The following TSR3 variants were observed in gnomAD, a reference collection of about 807,000 sequenced individuals.
TSR3 encodes 18S rRNA aminocarboxypropyltransferase.
Under a neutral mutation model 28.1 loss-of-function variants are expected in TSR3, and 31 were observed. The ratio of observed to expected loss-of-function variants is 1.10; its 90% CI spans 0.83 to 1.49. TSR3 has a LOEUF of 1.49. Among genes scored for constraint, TSR3 ranks in the 40% most tolerant of loss-of-function variants. The pLI is 0.00. For missense variants in TSR3, 511 were observed against 444.0 expected, an observed-to-expected ratio of 1.15 and a Z score of -1.36; for synonymous variants, 219 against 197.2, an observed-to-expected ratio of 1.11 and a Z score of -0.93.
Position 1,351,563 on chromosome 16 carries a change from C to A in TSR3, c.148G>T (p.Gly50Cys), listed in dbSNP as rs1256095046. The A allele has an allele frequency of 2.0e-6, 3 of 1,475,370 alleles. No homozygotes were observed. Among genetic ancestry groups the A allele is most frequent in the Non-Finnish European group, 2.7e-6 (3 of 1,122,308 alleles). 91.4% of individuals were successfully genotyped at this position (1,475,370 alleles called of 1,614,324 possible). The change falls in exon 2 of 6, where the codon GGC becomes TGC. Residue 50 changes from glycine to cysteine, a missense_variant. Transcript: ENST00000007390. ...CAGGGCAGCGCCGCCGGGCCCGGGC[C>A]GCCCTCGCCGTCAGCCGCCCCTGGC... ...VEPGAADGEG[G>C]PGPAALPCTL... is the part of the protein sequence containing the mutation.
At chr16:1,349,689 A>AG in intron 5 of TSR3, 81 bp from the exon 6 acceptor site, 1 of 1,485,378 alleles carries the variant, frequency 6.7e-7, no homozygotes, top group East Asian at 2.3e-5. Flanking sequence ...AAAAGCCCCC[A>AG]GCCGAGGACA....
rs1269396421 is a variant in TSR3 at position 1,350,895 on chromosome 16, G to A, written c.438C>T (p.Pro146=). The A allele has an allele frequency of 6.2e-7, 1 of 1,612,908 alleles. No individual in the cohort carries two copies. The highest frequency in any genetic ancestry group is 1.3e-5 in the African/African-American group (1 of 74,910). Residue 146 remains proline (P), a synonymous_variant, in exon 3 of 6, where the codon CCC becomes CCT. Coordinates refer to ENST00000007390, the MANE Select transcript of TSR3 (RefSeq NM_001001410.3). The part of the protein sequence containing the change: ...KMRGSHLRLL[P]YLVAANPVNY... ...TCACGGGGTTGGCGGCCACCAGGTA[G>A]GGCAACAGGCGCAAGTGGCTCCCTC... is the stretch of plus-strand genomic sequence containing the variant.
At position 1,349,319 on chromosome 16, in the gene TSR3, C is replaced by T. The variant is rs530690507; in HGVS notation, c.*118G>A. ...CTGTGCTGGAAGTGTGGGGAGAACC[C>T]GGACAGCTCAGTCCTGCCAGCAGCC... On this transcript the variant is annotated 3_prime_UTR_variant, in exon 6 of 6. Transcript: ENST00000007390. 1.6e-5 allele frequency: 18 copies of T among 1,159,968 alleles called. No individual in the cohort carries two copies. The highest frequency in any genetic ancestry group is 2.5e-5 in the South Asian group (2 of 79,604). 71.9% of individuals were successfully genotyped at this position (1,159,968 alleles called of 1,614,324 possible). A position where few individuals can be genotyped will look rare whatever the true frequency, so the allele number is the denominator to read the frequency against.
rs762833838 is a variant in TSR3, at chr16:1,350,141, G to C, written c.620C>G (p.Ala207Gly). 3 of 1,612,460 alleles carry C rather than the reference G, an allele frequency of 1.9e-6. No homozygotes were observed. In the South Asian group the frequency reaches 3.3e-5, roughly 18 times the overall value. Residue 207 changes from alanine (A) to glycine (G), a missense_variant, in exon 4 of 6, where the codon GCC (alanine) becomes GGC (glycine). By Grantham distance (60) the Ala-to-Gly change is moderately conservative. Transcript: ENST00000007390. ...CAGCACCTCCTCCGGGCTGCCGCAG[G>C]CCGCGTACTTGTCCAGGAGCTGGCG... is the stretch of plus-strand genomic sequence containing the variant. ...LNRQLLDKYA[A>G]CGSPEEVLQA...
chr16:1,350,277 C>T (rs1415337184), intron 3 of TSR3, 43 bp from the exon 4 acceptor site: 1 of 1,543,810 alleles, frequency 6.5e-7, no homozygotes, highest in South Asian at 1.2e-5. Flanking sequence ...GTCGACGGTC[C>T]CCTCAAGTGC....
intron 3 of TSR3, 149 bp from the exon 4 acceptor site, chr16:1,350,383 C>T (rs2034638140): frequency 2.3e-6 from 2 of 855,876 alleles, no homozygotes; most frequent in South Asian, 3.6e-5. Context: ...CCCGTGCTGC[C>T]CCCAGCCTGC....
intron 1 of TSR3, 26 bp from the exon 2 acceptor site, chr16:1,351,624 G>T: frequency 6.9e-7 from 1 of 1,452,480 alleles, no homozygotes; most frequent in Non-Finnish European, 9.0e-7. Flanking sequence ...AAGGGCACTC[G>T]GCCTCAGCGT....
In TSR3 at chr16:1,351,471, G is replaced by A; in HGVS notation, c.240C>T (p.Arg80=). The part of the protein sequence containing the change: ...PRRCTGRKLA[R]LGLVRCLRLG... ...GGCGCAGGCAGCGCACCAGCCCCAG[G>A]CGGGCCAGCTTGCGGCCCGTGCAGC... Residue 80 remains arginine (R), a synonymous_variant, in exon 2 of 6, where the codon CGC becomes CGT. Coordinates refer to ENST00000007390, the MANE Select transcript of TSR3 (RefSeq NM_001001410.3). 3.8e-6 allele frequency: 6 copies of A among 1,585,906 alleles called. No individual in the cohort carries two copies. The highest frequency in any genetic ancestry group is 5.1e-6 in the Non-Finnish European group (6 of 1,174,332).
At chr16:1,351,064 A>G in intron 2 of TSR3, 64 bp from the exon 3 acceptor site, 1 of 1,517,980 alleles carries the variant, frequency 6.6e-7, no homozygotes. Context: ...CATGCCCCGG[A>G]GAATGGCCTA....
Position 1,351,490 on chromosome 16 carries a change from G to T in TSR3, c.221C>A (p.Thr74Lys), listed in dbSNP as rs1473217544. 1.7e-5 allele frequency: 27 copies of T among 1,565,510 alleles called. No homozygotes were observed. The highest frequency in any genetic ancestry group is 2.3e-5 in the Non-Finnish European group (27 of 1,164,210). ...CCCCAGGCGGGCCAGCTTGCGGCCC[G>T]TGCAGCGCCGGGGGTCGCAGTGGCC... Reference protein sequence around the residue: ...ELGHCDPRRCTGRKLARLGLV... With the variant: ...ELGHCDPRRCKGRKLARLGLV... The change falls in exon 2 of 6, where the codon ACG becomes AAG. Residue 74 changes from threonine to lysine, a missense_variant. By Grantham distance (78) the Thr-to-Lys change is moderately conservative. Coordinates refer to ENST00000007390, the MANE Select transcript of TSR3 (RefSeq NM_001001410.3).
In TSR3 at chr16:1,351,788, GC is replaced by G; in HGVS notation, c.16del (p.Ala6GlnfsTer93). 1 of 1,335,990 alleles carries G rather than the reference GC, an allele frequency of 7.5e-7. No individual in the cohort carries two copies. The highest frequency in any genetic ancestry group is 9.5e-7 in the Non-Finnish European group (1 of 1,049,678). 82.8% of individuals were successfully genotyped at this position (1,335,990 alleles called of 1,614,324 possible). A position where few individuals can be genotyped will look rare whatever the true frequency, so the allele number is the denominator to read the frequency against. ...GCCTTCCGCCCCCGGCCCGCGCGCT[GC>G]CCTCCTGCGGCCCATGGCGCGGACC... is the stretch of plus-strand genomic sequence containing the variant. Reference protein sequence around the residue: MGRRRAARGPGAEGGR... With the variant: MGRRRXARGPGAEGGR... On this transcript the variant is annotated frameshift_variant, in exon 1 of 6. Coordinates refer to ENST00000007390, the MANE Select transcript of TSR3 (RefSeq NM_001001410.3). LOFTEE classifies it high-confidence loss of function.
chr16:1,351,718 G>A lies in TSR3; in HGVS notation c.87C>T (p.Ala29=). The A allele has an allele frequency of 2.2e-6, 3 of 1,373,150 alleles. No individual in the cohort carries two copies. Among genetic ancestry groups the A allele is most frequent in the African/African-American group, 1.5e-5 (1 of 65,554 alleles). 85.1% of individuals were successfully genotyped at this position (1,373,150 alleles called of 1,614,324 possible). ...CCTGCAGCGCGGCGCCGACCTCCTC[G>A]GCGAAGGCCTCCAGGGAGCGCGTCG... ...HLPTRSLEAF[A]EEVGAALQAS... is the part of the protein sequence containing the mutation. Residue 29 remains alanine (A), a synonymous_variant, in exon 1 of 6, where the codon GCC becomes GCT. Coordinates refer to ENST00000007390, the MANE Select transcript of TSR3 (RefSeq NM_001001410.3).
In TSR3 at chr16:1,349,628, A is replaced by G. The variant is rs752752164; in HGVS notation, c.768-20T>C. On this transcript the variant is annotated intron_variant, in intron 5 of 5. Transcript: ENST00000007390. Reference sequence around the variant, plus strand: ...GGCAGCCTGGGAGAGGAGGGGGAGCACGTTCCCAAATGACGTCCTCCCTGG... The same window carrying G: ...GGCAGCCTGGGAGAGGAGGGGGAGCGCGTTCCCAAATGACGTCCTCCCTGG... 3.8e-6 allele frequency: 6 copies of G among 1,571,912 alleles called. No homozygotes were observed. The highest frequency in any genetic ancestry group is 4.3e-6 in the Non-Finnish European group (5 of 1,159,168).
chr16:1,349,648 C>T, intron 5 of TSR3, 40 bp from the exon 6 acceptor site: 1 of 1,554,662 alleles, frequency 6.4e-7, no homozygotes, highest in Non-Finnish European at 8.7e-7. Context: ...ATGACGTCCT[C>T]CCTGGCTAGC....
At position 1,349,397 on chromosome 16, in the gene TSR3, T is replaced by G; in HGVS notation, c.*40A>C. 1.2e-6 allele frequency: 2 copies of G among 1,612,366 alleles called. No homozygotes were observed. The highest frequency in any genetic ancestry group is 1.1e-5 in the South Asian group (1 of 90,924). On this transcript the variant is annotated 3_prime_UTR_variant, in exon 6 of 6. Transcript: ENST00000007390. ...TTATGTCCCTCATGTCTCTAGATTT[T>G]CTCGTCACCCAGCCTCAAAAATATA... is the stretch of plus-strand genomic sequence containing the variant.
chr16:1,349,796 C>T, intron 5 of TSR3, 93 bp downstream of exon 5: 2 of 1,509,064 alleles, frequency 1.3e-6, no homozygotes, highest in Non-Finnish European at 1.8e-6. Flanking sequence ...GTGTTGTTTA[C>T]AACACCACCC....
intron 3 of TSR3, 50 bp downstream of exon 3, chr16:1,350,754 TAGC>T: frequency 6.4e-7 from 1 of 1,570,022 alleles, no homozygotes; most frequent in African/African-American, 1.3e-5. Context: ...GCTGGGAGCA[TAGC>T]AGGAACAGCA....
At position 1,351,569 on chromosome 16, in the gene TSR3, C is replaced by T. The variant is rs1389595340; in HGVS notation, c.142G>A (p.Glu48Lys). Reference sequence around the variant, plus strand: ...AGCGCCGCCGGGCCCGGGCCGCCCTCGCCGTCAGCCGCCCCTGGCTCCACG... The same window carrying T: ...AGCGCCGCCGGGCCCGGGCCGCCCTTGCCGTCAGCCGCCCCTGGCTCCACG... Reference protein sequence around the residue: ...ASVEPGAADGEGGPGPAALPC... With the variant: ...ASVEPGAADGKGGPGPAALPC... The change falls in exon 2 of 6, where the codon GAG (glutamate) becomes AAG (lysine). Residue 48 changes from glutamate to lysine, a missense_variant. Physicochemically the swap from Glu to Lys is moderately conservative, Grantham distance 56 (BLOSUM62 1). Coordinates refer to ENST00000007390, the MANE Select transcript of TSR3 (RefSeq NM_001001410.3). The T allele has an allele frequency of 6.8e-7, 1 of 1,474,928 alleles. No individual in the cohort carries two copies. The highest frequency in any genetic ancestry group is 8.9e-7 in the Non-Finnish European group (1 of 1,122,034). The allele number at this position is 1,474,928 out of a possible 1,614,324, so 91.4% of individuals were successfully genotyped here.
chr16:1,351,395 C>T lies in TSR3; in HGVS notation c.316G>A (p.Ala106Thr), dbSNP rs952725130. 1.9e-6 allele frequency: 3 copies of T among 1,592,210 alleles called. No individual in the cohort carries two copies. In the African/African-American group the frequency reaches 4.0e-5, roughly 21 times the overall value. The part of the protein sequence containing the change: ...LVLSPVGKQY[A>T]SPADRQLVAQ... ...CGCGCCTACCTGTCTGCGGGGGACG[C>T]GTACTGCTTGCCCACGGGGCTCAGC... The change falls in exon 2 of 6, where the codon GCG (alanine) becomes ACG (threonine). Residue 106 changes from alanine to threonine, a missense_variant. Transcript: ENST00000007390.
Sources: gnomAD v4.1 joint callset for allele counts on GRCh38, gnomAD v4.1.1 for gene constraint, MANE v1.5 for transcripts, NCBI Gene and HGNC (gene_info 2026-07-23, HGNC 2026-07-21) for gene names.